The following NUP210L variants were observed in gnomAD, a reference collection of about 807,000 sequenced individuals.
NUP210L encodes nucleoporin 210 like.
A neutral mutation model predicts 208.5 loss-of-function variants in NUP210L; 74 were observed. The ratio of observed to expected loss-of-function variants is 0.35; its 90% CI spans 0.29 to 0.43. The LOEUF (loss-of-function observed/expected upper bound fraction) is 0.43, where lower values mean the gene tolerates loss of function less well. Ranked by LOEUF, NUP210L falls within the 20% of genes least tolerant of loss-of-function variation. NUP210L has a pLI of 1.00. For missense variants in NUP210L, 1,843 were observed against 2,289.4 expected (o/e 0.81, Z 3.98); for synonymous variants, 780 against 816.9 (o/e 0.95, Z 0.77).
At chr1:154,007,895 G>A (rs1271540291) in intron 35 of NUP210L, among the ~76,000 whole-genome samples, 1 of 127,676 alleles carries the variant, frequency 7.8e-6, no homozygotes, top group African/African-American at 3.0e-5. Flanking sequence ...TTTTTGAGAC[G>A]GAGTCTTGCT....
At chr1:154,048,893 C>T (rs1024685907) in intron 25 of NUP210L, among the ~76,000 whole-genome samples, 18 of 152,066 alleles carry the variant, frequency 1.2e-4, no homozygotes, top group Admixed American at 9.8e-4. Flanking sequence ...AAAGCAGAGC[C>T]AGGAGAGCGT....
At chr1:154,126,033 G>A (rs1657951831) in intron 10 of NUP210L, among the ~76,000 whole-genome samples, 1 of 151,896 alleles carries the variant, frequency 6.6e-6, no homozygotes, top group South Asian at 2.1e-4. Flanking sequence ...CTCCCAAAGT[G>A]CTGGGATTAC....
chr1:154,001,857 G>A lies in NUP210L; in HGVS notation c.5059C>T (p.Arg1687Ter), dbSNP rs763878963. 1 of 1,614,122 alleles carries A rather than the reference G, an allele frequency of 6.2e-7. No homozygotes were observed. Among genetic ancestry groups the A allele is most frequent in the Admixed American group, 1.7e-5 (1 of 59,992 alleles). The change falls in exon 36 of 40, where the codon CGA becomes TGA. Residue 1687 changes from arginine to a stop codon, truncating the protein, a stop_gained. Transcript: ENST00000368559. LOFTEE classifies it high-confidence loss of function. ...GCTGGGATGAAAGGAATGAGGATTC[G>A]TTGCATTCCATTCTTGCTACGTTCA...
At chr1:154,003,958 ATAAT>A (rs937975294) in intron 35 of NUP210L, among the ~76,000 whole-genome samples, 31 of 152,034 alleles carry the variant, frequency 2.0e-4, no homozygotes, top group African/African-American at 6.8e-4. Context: ...ATAATTATGG[ATAAT>A]TAGTCTGGGC....
exon 19 of NUP210L, chr1:154,061,018 T>A (rs1654107800): frequency 1.9e-6 from 3 of 1,613,194 alleles, no homozygotes; most frequent in South Asian, 2.2e-5. Flanking sequence ...CAGTTCCACA[T>A]CTACAGATCT....
exon 36 of NUP210L, chr1:154,001,935 G>T (rs199946419): frequency 3.9e-5 from 63 of 1,613,924 alleles, no homozygotes; most frequent in Non-Finnish European, 4.8e-5. Context: ...CTGAGGGCCT[G>T]TAGCAGCTCC....
At chr1:154,051,401 A>G (rs997275072) in intron 25 of NUP210L, among the ~76,000 whole-genome samples, 1 of 152,036 alleles carries the variant, frequency 6.6e-6, no homozygotes, top group Non-Finnish European at 1.5e-5. Flanking sequence ...TTTTTAGTAG[A>G]GATGGGGTTT....
chr1:154,064,701 C>T (rs1654310614), intron 17 of NUP210L, among the ~76,000 whole-genome samples: 1 of 152,132 alleles, frequency 6.6e-6, no homozygotes. Context: ...TAGCAGAGGA[C>T]CTTACATGTA....
At chr1:154,090,230 T>TCTAA (rs1438369465) in intron 15 of NUP210L, among the ~76,000 whole-genome samples, 2 of 149,184 alleles carry the variant, frequency 1.3e-5, no homozygotes, top group Non-Finnish European at 3.0e-5. Context: ...AAAAAAAAAA[T>TCTAA]CTAACTTTGA....
intron 34 of NUP210L, among the ~76,000 whole-genome samples, chr1:154,010,771 G>A (rs1024033040): frequency 2.0e-5 from 3 of 151,884 alleles, no homozygotes; most frequent in Non-Finnish European, 4.4e-5. Context: ...TCGGGAGGCT[G>A]AGGCAGGAGA....
chr1:154,102,816 A>G (rs1656535874), intron 13 of NUP210L, among the ~76,000 whole-genome samples: 1 of 152,068 alleles, frequency 6.6e-6, no homozygotes, highest in African/African-American at 2.4e-5. Context: ...AATTGAATGT[A>G]TGCATATATT....
At chr1:154,010,381 G>GA (rs1430480287) in intron 34 of NUP210L, among the ~76,000 whole-genome samples, 7 of 151,730 alleles carry the variant, frequency 4.6e-5, no homozygotes, top group Non-Finnish European at 8.8e-5. Flanking sequence ...GATTTTTTTT[G>GA]AAAAATCTTT....
intron 11 of NUP210L, 133 bp from the exon 12 acceptor site, chr1:154,118,013 GA>G (rs1446417230): frequency 4.4e-6 from 3 of 677,208 alleles, no homozygotes; most frequent in African/African-American, 3.6e-5. Context: ...GGACACATTA[GA>G]AACTGTGACA....
chr1:154,024,013 A>G (rs1236238357), intron 30 of NUP210L, among the ~76,000 whole-genome samples: 1 of 141,378 alleles, frequency 7.1e-6, no homozygotes, highest in East Asian at 2.1e-4. Flanking sequence ...TTGGTCTTGA[A>G]CTCCTGACCT....
exon 5 of NUP210L, chr1:154,139,943 T>C (rs775895412): frequency 6.8e-6 from 11 of 1,606,822 alleles, no homozygotes; most frequent in Non-Finnish European, 8.5e-6. Context: ...CTTCGGAGTA[T>C]TTAAGAATCC....
rs532745092 is a variant in NUP210L, at chr1:154,012,412, AG to A, written c.4654-43del. ...GGAAAATCTGCACCTAAGTTCCTAG[AG>A]AATCTGACTCCTTCCAGATCCACCC... On this transcript the variant is annotated intron_variant, in intron 33 of 39. Transcript: ENST00000368559. 170 of 1,596,734 alleles carry A rather than the reference AG, an allele frequency of 1.1e-4. 1 individual carries two copies. The African/African-American group carries it at 2.0e-3, about 18-fold the overall frequency.
At chr1:154,033,005 A>G (rs150821559) in intron 27 of NUP210L, among the ~76,000 whole-genome samples, 16 of 147,488 alleles carry the variant, frequency 1.1e-4, no homozygotes, top group South Asian at 2.2e-4. Flanking sequence ...AAGAAAGAAA[A>G]AAAGAAAGAA....
At chr1:154,104,267 G>A in intron 12 of NUP210L, 57 bp from the exon 13 acceptor site, 5 of 1,476,096 alleles carry the variant, frequency 3.4e-6, no homozygotes, top group Non-Finnish European at 4.7e-6. Context: ...GTCTTAGGAG[G>A]AGGAGAAGCA....
exon 1 of NUP210L, chr1:154,155,070 G>C (rs1457867537): frequency 1.3e-6 from 2 of 1,545,452 alleles, no homozygotes; most frequent in Non-Finnish European, 1.8e-6. Context: ...TCGGGTTCCC[G>C]CTCAACTACA....
Sources: allele counts gnomAD v4.1 joint callset (sites outside exome capture counted in the v4.1 genomes callset), GRCh38; gene constraint gnomAD v4.1.1; transcripts MANE v1.5; gene names NCBI Gene and HGNC (gene_info 2026-07-23, HGNC 2026-07-21).